USP39: variants seen among roughly 807,000 people sequenced by gnomAD.
The protein encoded by USP39 is ubiquitin carboxyl-terminal hydrolase 39.
In USP39, 38 loss-of-function variants were observed where a neutral mutation model predicts 66.4. That is an observed-to-expected ratio of 0.57 (90% confidence interval 0.44 to 0.75). USP39 has a LOEUF of 0.75. USP39 is among the 30% of genes least tolerant of loss of function. The pLI, the probability that USP39 is intolerant of heterozygous loss-of-function variation, is 0.00. For missense variants in USP39, 608 were observed against 714.4 expected, an observed-to-expected ratio of 0.85 and a Z score of 1.70; for synonymous variants, 303 against 274.6, an observed-to-expected ratio of 1.10 and a Z score of -1.02.
chr2:85,619,794 C>T (rs572406811), intron 2 of USP39, among the ~76,000 whole-genome samples: 3 of 151,954 alleles, frequency 2.0e-5, no homozygotes, highest in Non-Finnish European at 4.4e-5. Flanking sequence ...CTTTGGCAGG[C>T]CAAGGCAGGA....
At chr2:85,619,403 C>A in intron 2 of USP39, 114 bp downstream of exon 2, 2 of 1,060,942 alleles carry the variant, frequency 1.9e-6, no homozygotes, top group Non-Finnish European at 2.8e-6. Context: ...TTGAACCTGT[C>A]TAGAGAGTTG....
At chr2:85,616,083 T>A (rs1344875495), upstream of USP39, 1 of 1,314,362 alleles carries the variant, frequency 7.6e-7, no homozygotes, top group Admixed American at 3.7e-5. Flanking sequence ...TTGTCCCCAG[T>A]GGCGACTCGT....
chr2:85,647,140 C>T (rs952914062), intron 11 of USP39, among the ~76,000 whole-genome samples: 10 of 152,106 alleles, frequency 6.6e-5, no homozygotes, highest in Non-Finnish European at 1.2e-4. Context: ...CTGCCCACCT[C>T]GGCCTCCCAA....
chr2:85,618,850 A>G (rs555659507), intron 1 of USP39, among the ~76,000 whole-genome samples: 9 of 151,990 alleles, frequency 5.9e-5, no homozygotes, highest in Admixed American at 5.9e-4. Context: ...GCTCACTGCA[A>G]CCGCCTTCTC....
upstream of USP39, chr2:85,616,173 G>A: frequency 1.4e-6 from 2 of 1,421,008 alleles, no homozygotes; most frequent in Non-Finnish European, 1.8e-6. Flanking sequence ...CGCCTGCGCT[G>A]GACGACTCGG....
chr2:85,643,291 C>T (rs912168753), intron 10 of USP39, among the ~76,000 whole-genome samples: 6 of 151,934 alleles, frequency 3.9e-5, no homozygotes, highest in Non-Finnish European at 8.8e-5. Flanking sequence ...GAGATCGAGA[C>T]CATCCTGGCT....
intron 8 of USP39, 27 bp downstream of exon 8, chr2:85,637,463 A>G (rs1429675057): frequency 2.5e-6 from 4 of 1,610,448 alleles, no homozygotes; most frequent in East Asian, 2.2e-5. Context: ...TGGGTCTTGG[A>G]CTGATTCATA....
upstream of USP39, among the ~76,000 whole-genome samples, chr2:85,612,512 C>G (rs1294992855): frequency 6.6e-6 from 1 of 152,002 alleles, no homozygotes; most frequent in African/African-American, 2.4e-5. Context: ...GGCAGGGCAA[C>G]AGCGGCGCCC....
At chr2:85,609,811 G>C (rs1673392934), upstream of USP39, among the ~76,000 whole-genome samples, 1 of 152,042 alleles carries the variant, frequency 6.6e-6, no homozygotes, top group Non-Finnish European at 1.5e-5. Flanking sequence ...CTCCCGAGTA[G>C]CTGGGATTAC....
upstream of USP39, chr2:85,612,274 C>A (rs1673612118): frequency 5.3e-6 from 8 of 1,513,636 alleles, no homozygotes; most frequent in Non-Finnish European, 6.2e-6. Context: ...CTTCGGCTTA[C>A]AGCTGATACC....
Position 85,623,663 on chromosome 2 carries a change from C to CA in USP39, c.452dup (p.His151GlnfsTer10). ...CCCTACAGGCCGGGGTTTGAAGTCT[C>CA]ACGCCTACATTCACAGTGTCCAGTT... is the stretch of plus-strand genomic sequence containing the variant. On this transcript the variant is annotated frameshift_variant, in exon 4 of 13. Coordinates refer to ENST00000323701, the MANE Select transcript of USP39 (RefSeq NM_006590.4). LOFTEE classifies it high-confidence loss of function. The CA allele has an allele frequency of 2.5e-6, 4 of 1,613,448 alleles. No homozygotes were observed. Among genetic ancestry groups the CA allele is most frequent in the Non-Finnish European group, 3.4e-6 (4 of 1,179,760 alleles).
upstream of USP39, chr2:85,612,133 C>CG (rs1673595422): frequency 7.8e-6 from 7 of 896,458 alleles, no homozygotes; most frequent in South Asian, 7.1e-5. Context: ...AGCGATGCAG[C>CG]GCACGGAGTT....
intron 1 of USP39, chr2:85,603,145 TG>T (rs1673068338): frequency 6.6e-6 from 1 of 152,202 alleles, no homozygotes; most frequent in African/African-American, 2.4e-5. Flanking sequence ...AGGGCTGCGG[TG>T]GGTCCAGAGA....
chr2:85,648,989 C>A lies in USP39; in HGVS notation c.*181C>A, dbSNP rs1457057113. On this transcript the variant is annotated 3_prime_UTR_variant, in exon 13 of 13. Transcript: ENST00000323701. ...CCTGGGATGGCCCCACACTGTCACT[C>A]AGCTGTTCTTTGATCATTTTTTTCT... 88 of 688,718 alleles carry A rather than the reference C, an allele frequency of 1.3e-4. No homozygotes were observed. Among genetic ancestry groups the A allele is most frequent in the Non-Finnish European group, 4.1e-5 (16 of 387,208 alleles). 42.7% of individuals were successfully genotyped at this position (688,718 alleles called of 1,614,324 possible).
intron 10 of USP39, among the ~76,000 whole-genome samples, chr2:85,644,629 C>T (rs754330249): frequency 6.6e-6 from 1 of 151,978 alleles, no homozygotes; most frequent in South Asian, 2.1e-4. Flanking sequence ...CACTACATTG[C>T]CCAGGCTGGC....
chr2:85,640,739 A>G (rs1676171049), intron 9 of USP39, among the ~76,000 whole-genome samples: 1 of 139,430 alleles, frequency 7.2e-6, no homozygotes, highest in African/African-American at 2.7e-5. Flanking sequence ...TCCTACAGTG[A>G]TAGGATTATA....
In USP39 at chr2:85,616,315, G is replaced by C. The variant is rs770736061; in HGVS notation, c.120G>C (p.Ala40=). The change falls in exon 1 of 13, where the codon GCG becomes GCC. Residue 40 remains alanine (A), a synonymous_variant. Transcript: ENST00000323701. ...RERDREREPE[A]ASSRGSPVRV... The stretch of plus-strand genomic sequence containing the variant: ...GAGATCGGGAGCGGGAGCCTGAGGC[G>C]GCGAGCTCCCGGGGCAGCCCTGTGC... 6.3e-7 allele frequency: 1 copy of C among 1,583,208 alleles called. No homozygotes were observed. Among genetic ancestry groups the C allele is most frequent in the Admixed American group, 1.8e-5 (1 of 56,826 alleles).
chr2:85,606,769 C>T (rs1453881150), intron 1 of USP39: 1 of 151,928 alleles, frequency 6.6e-6, no homozygotes, highest in African/African-American at 2.4e-5. Flanking sequence ...TGCTGCCTTG[C>T]CTTTTACCTC....
chr2:85,618,786 TG>T (rs1314908692), intron 1 of USP39, among the ~76,000 whole-genome samples: 1 of 152,030 alleles, frequency 6.6e-6, no homozygotes, highest in Admixed American at 6.6e-5. Context: ...CTTTTTTTTT[TG>T]AGAGGGAGTT....
Sources: allele counts gnomAD v4.1 joint callset (sites outside exome capture counted in the v4.1 genomes callset), GRCh38; gene constraint gnomAD v4.1.1; transcripts MANE v1.5; gene names NCBI Gene and HGNC (gene_info 2026-07-23, HGNC 2026-07-21).